The following ZSCAN9 variants were observed in gnomAD, a reference collection of about 807,000 sequenced individuals.
ZSCAN9 encodes zinc finger and SCAN domain containing 9.
ZSCAN9 carries 19 observed loss-of-function variants against 23.0 expected under a neutral mutation model. The observed-to-expected ratio is 0.83, with a 90% CI of 0.58 to 1.21. The LOEUF is 1.21. ZSCAN9 is among the 50% of genes most tolerant of loss of function. The probability of loss-of-function intolerance (pLI) is 0.00; values close to 1 mark genes in which losing one functional copy is unlikely to be tolerated. For synonymous variants in ZSCAN9, 155 were observed against 164.8 expected (o/e 0.94, Z 0.46); for missense variants, 467 against 471.5 (o/e 0.99, Z 0.09).
At chr6:28,225,568 A>C (rs1301860681) in intron 1 of ZSCAN9, among the ~76,000 whole-genome samples, 4 of 152,136 alleles carry the variant, frequency 2.6e-5, no homozygotes, top group Non-Finnish European at 5.9e-5. Context: ...GGGTTGTAGG[A>C]GGACTGCGAG....
intron 1 of ZSCAN9, among the ~76,000 whole-genome samples, chr6:28,226,138 AATT>A (rs1167560866): frequency 2.6e-5 from 4 of 152,226 alleles, no homozygotes; most frequent in African/African-American, 7.2e-5. Context: ...CTAGTGAAAT[AATT>A]ATTATAATAA....
chr6:28,232,520 A>T (rs1337975545), intron 3 of ZSCAN9, 42 bp from the exon 4 acceptor site: 1 of 1,569,602 alleles, frequency 6.4e-7, no homozygotes, highest in South Asian at 1.2e-5. Flanking sequence ...CCATAGGCTC[A>T]GGGAACAAGT....
chr6:28,230,106 C>G (rs1021577603), intron 3 of ZSCAN9, among the ~76,000 whole-genome samples: 1 of 152,178 alleles, frequency 6.6e-6, no homozygotes, highest in Non-Finnish European at 1.5e-5. Flanking sequence ...ATTCGCCCGC[C>G]TCGGCCTCCC....
chr6:28,229,183 G>A (rs1258750555), intron 3 of ZSCAN9: 2 of 152,206 alleles, frequency 1.3e-5, no homozygotes, highest in African/African-American at 4.8e-5. Context: ...TAAAGTGTAT[G>A]TGTTGAGTAA....
At position 28,233,329 on chromosome 6, in the gene ZSCAN9, G is replaced by C. The variant is rs1174933910; in HGVS notation, c.*151G>C. On this transcript the variant is annotated 3_prime_UTR_variant, in exon 4 of 4. Coordinates refer to ENST00000252207, the MANE Select transcript of ZSCAN9 (RefSeq NM_006299.5). ...AGGGACTTCCTTAAAGGAAAGTTGGGTGTTTGAAGCTACTGTTTTCTCTTT... is the reference window on the plus strand; with the variant it reads ...AGGGACTTCCTTAAAGGAAAGTTGGCTGTTTGAAGCTACTGTTTTCTCTTT... The C allele has an allele frequency of 2.9e-6, 4 of 1,381,990 alleles. No homozygotes were observed. The highest frequency in any genetic ancestry group is 3.8e-6 in the Non-Finnish European group (4 of 1,048,794). 85.6% of individuals were successfully genotyped at this position (1,381,990 alleles called of 1,614,324 possible).
rs1365509151 is a variant in ZSCAN9 at position 28,232,760 on chromosome 6, G to A, written c.767G>A (p.Cys256Tyr). 6.2e-7 allele frequency: 1 copy of A among 1,614,208 alleles called. No homozygotes were observed. The highest frequency in any genetic ancestry group is 8.5e-7 in the Non-Finnish European group (1 of 1,180,032). The stretch of plus-strand genomic sequence containing the variant: ...CTCTTAGGAGAGGGGCAACACAAAT[G>A]TGATGAATGTGGGAAGAGCTTTACT... ...GNLLGEGQHK[C>Y]DECGKSFTQS... Residue 256 changes from cysteine to tyrosine, a missense_variant, in exon 4 of 4, where the codon TGT (cysteine) becomes TAT (tyrosine). By Grantham distance (194) the Cys-to-Tyr change is radical. Transcript: ENST00000252207.
chr6:28,227,075 C>T lies in ZSCAN9; in HGVS notation c.-10C>T, dbSNP rs1339828519. The T allele has an allele frequency of 6.2e-7, 1 of 1,609,982 alleles. No homozygotes were observed. The highest frequency in any genetic ancestry group is 8.5e-7 in the Non-Finnish European group (1 of 1,177,852). Reference sequence around the variant, plus strand: ...GCTGGAGGGTACCTTTTAAGCTGTTCAAGGTCAAGATGAATACAAACTCAA... The same window carrying T: ...GCTGGAGGGTACCTTTTAAGCTGTTTAAGGTCAAGATGAATACAAACTCAA... On this transcript the variant is annotated 5_prime_UTR_variant, in exon 2 of 4. Coordinates refer to ENST00000252207, the MANE Select transcript of ZSCAN9 (RefSeq NM_006299.5).
intron 3 of ZSCAN9, chr6:28,228,295 C>G (rs1297705577): frequency 4.1e-6 from 2 of 489,030 alleles, no homozygotes; most frequent in Non-Finnish European, 7.1e-6. Context: ...TTGTCTTTAA[C>G]AGAAATTTAT....
rs1760131006 is a variant in ZSCAN9 at position 28,226,999 on chromosome 6, T to C, written c.-73-13T>C. 1.7e-6 allele frequency: 2 copies of C among 1,205,266 alleles called. No individual in the cohort carries two copies. The highest frequency in any genetic ancestry group is 3.2e-5 in the South Asian group (2 of 61,940). The allele number at this position is 1,205,266 out of a possible 1,614,324, so 74.7% of individuals were successfully genotyped here. A position where few individuals can be genotyped will look rare whatever the true frequency, so the allele number is the denominator to read the frequency against. Reference sequence around the variant, plus strand: ...TCATTTTTCTATATAAATAATTTATTTTTACTGCTTAGGCAAGCGCCTCCA... The same window carrying C: ...TCATTTTTCTATATAAATAATTTATCTTTACTGCTTAGGCAAGCGCCTCCA... On this transcript the variant is annotated splice_polypyrimidine_tract_variant and intron_variant, in intron 1 of 3. Coordinates refer to ENST00000252207, the MANE Select transcript of ZSCAN9 (RefSeq NM_006299.5).
intron 3 of ZSCAN9, chr6:28,230,288 GA>G (rs1275447031): frequency 2.7e-6 from 4 of 1,455,674 alleles, no homozygotes; most frequent in Non-Finnish European, 3.6e-6. Context: ...TAAAAGGTGG[GA>G]AATGTCTGAA....
chr6:28,232,159 G>C (rs11962305), intron 3 of ZSCAN9, among the ~76,000 whole-genome samples: 31,032 of 152,022 alleles, frequency 0.2, 3,604 homozygotes, highest in African/African-American at 0.3. Flanking sequence ...TGGCGAAACC[G>C]CGTCTGTACT....
At position 28,233,109 on chromosome 6, in the gene ZSCAN9, G is replaced by A. The variant is rs1561849246; in HGVS notation, c.1116G>A (p.Gly372=). ...GERPHQCIEC[G]KSFNRHCNLI... ...GACCTCACCAGTGCATTGAATGTGG[G>A]AAAAGCTTTAATCGACACTGCAACC... The change falls in exon 4 of 4, where the codon GGG becomes GGA. Residue 372 remains glycine (G), a synonymous_variant. Transcript: ENST00000252207. 1 of 1,613,634 alleles carries A rather than the reference G, an allele frequency of 6.2e-7. No individual in the cohort carries two copies. Among genetic ancestry groups the A allele is most frequent in the Non-Finnish European group, 8.5e-7 (1 of 1,179,546 alleles).
chr6:28,226,162 G>A (rs1036175866), intron 1 of ZSCAN9, among the ~76,000 whole-genome samples: 10 of 152,192 alleles, frequency 6.6e-5, no homozygotes, highest in Admixed American at 1.3e-4. Flanking sequence ...AACCTCAGTG[G>A]GTAATTGTGA....
At position 28,227,818 on chromosome 6, in the gene ZSCAN9, C is replaced by T. The variant is rs757310507; in HGVS notation, c.549C>T (p.Cys183=). The change falls in exon 3 of 4, where the codon TGC becomes TGT. Residue 183 remains cysteine, a synonymous_variant. Transcript: ENST00000252207. The part of the protein sequence containing the change: ...PQLTCDSAQK[C]HSIGETDEVT... ...TCACATGTGACTCTGCTCAGAAGTGCCATTCTATTGGAGAGACAGGTGAGG... is the reference window on the plus strand; with the variant it reads ...TCACATGTGACTCTGCTCAGAAGTGTCATTCTATTGGAGAGACAGGTGAGG... The T allele has an allele frequency of 3.7e-5, 59 of 1,613,342 alleles. No homozygotes were observed. The highest frequency in any genetic ancestry group is 4.7e-5 in the Non-Finnish European group (56 of 1,179,858).
Position 28,232,705 on chromosome 6 carries a change from A to G in ZSCAN9, c.712A>G (p.Lys238Glu). The G allele has an allele frequency of 6.2e-7, 1 of 1,614,184 alleles. No individual in the cohort carries two copies. The highest frequency in any genetic ancestry group is 1.1e-5 in the South Asian group (1 of 91,084). ...DPSHGEVGEH[K>E]DRIERQWGNL... is the part of the protein sequence containing the mutation. The stretch of plus-strand genomic sequence containing the variant: ...CTCACATGGAGAAGTTGGTGAACAT[A>G]AGGATAGGATAGAGAGGCAGTGGGG... Residue 238 changes from lysine (K) to glutamate (E), a missense_variant, in exon 4 of 4, where the codon AAG (lysine) becomes GAG (glutamate). Lys to Glu is a moderately conservative substitution (Grantham distance 56). Coordinates refer to ENST00000252207, the MANE Select transcript of ZSCAN9 (RefSeq NM_006299.5).
intron 3 of ZSCAN9, chr6:28,228,120 A>C (rs1760181634): frequency 6.0e-6 from 4 of 670,834 alleles, no homozygotes; most frequent in Non-Finnish European, 1.1e-5. Flanking sequence ...AATGGACTTC[A>C]AGGTTTGACA....
chr6:28,233,101 G>T lies in ZSCAN9; in HGVS notation c.1108G>T (p.Glu370Ter). 2.5e-6 allele frequency: 4 copies of T among 1,614,068 alleles called. No individual in the cohort carries two copies. The highest frequency in any genetic ancestry group is 3.4e-6 in the Non-Finnish European group (4 of 1,179,954). ...HTGERPHQCI[E>*]CGKSFNRHCN... ...AGGGGAGCGACCTCACCAGTGCATT[G>T]AATGTGGGAAAAGCTTTAATCGACA... Residue 370 changes from glutamate to a stop codon, truncating the protein, a stop_gained, in exon 4 of 4, where the codon GAA becomes TAA. Coordinates refer to ENST00000252207, the MANE Select transcript of ZSCAN9 (RefSeq NM_006299.5). LOFTEE classifies it low-confidence loss of function (END_TRUNC).
rs779523555 is a variant in ZSCAN9 at position 28,232,785 on chromosome 6, T to G, written c.792T>G (p.Thr264=). The part of the protein sequence containing the change: ...HKCDECGKSF[T]QSSGLIRHQR... ...GTGATGAATGTGGGAAGAGCTTTAC[T>G]CAGAGCTCAGGTCTCATTCGACATC... Residue 264 remains threonine, a synonymous_variant, in exon 4 of 4, where the codon ACT becomes ACG. Transcript: ENST00000252207. The G allele has an allele frequency of 1.2e-6, 2 of 1,614,218 alleles. No homozygotes were observed. Among genetic ancestry groups the G allele is most frequent in the East Asian group, 4.5e-5 (2 of 44,894 alleles).
In ZSCAN9 at chr6:28,232,955, A is replaced by G. The variant is rs1016265024; in HGVS notation, c.962A>G (p.Gln321Arg). The G allele has an allele frequency of 1.2e-6, 2 of 1,614,228 alleles. No homozygotes were observed. The highest frequency in any genetic ancestry group is 2.7e-5 in the African/African-American group (2 of 75,044). Reference protein sequence around the residue: ...HCKECGKVFSQSAGLIQHQRI... With the variant: ...HCKECGKVFSRSAGLIQHQRI... ...AAGGAGTGTGGGAAGGTCTTCAGTCAGAGTGCGGGTCTTATCCAGCATCAG... is the reference window on the plus strand; with the variant it reads ...AAGGAGTGTGGGAAGGTCTTCAGTCGGAGTGCGGGTCTTATCCAGCATCAG... Residue 321 changes from glutamine (Q) to arginine (R), a missense_variant, in exon 4 of 4, where the codon CAG (glutamine) becomes CGG (arginine). Gln to Arg is a conservative substitution (Grantham distance 43, BLOSUM62 1). Coordinates refer to ENST00000252207, the MANE Select transcript of ZSCAN9 (RefSeq NM_006299.5).
Sources: allele counts gnomAD v4.1 joint callset (sites outside exome capture counted in the v4.1 genomes callset), GRCh38; gene constraint gnomAD v4.1.1; transcripts MANE v1.5; gene names NCBI Gene and HGNC (gene_info 2026-07-23, HGNC 2026-07-21).